RHOT1: variants seen among roughly 807,000 people sequenced by gnomAD.
RHOT1 encodes mitochondrial Rho GTPase 1.
Under a neutral mutation model 95.3 loss-of-function variants are expected in RHOT1, and 27 were observed. The ratio of observed to expected loss-of-function variants is 0.28; its 90% CI spans 0.21 to 0.39. The LOEUF (loss-of-function observed/expected upper bound fraction) is 0.39. RHOT1 is among the 10% of genes least tolerant of loss of function. The pLI, the probability that RHOT1 is intolerant of heterozygous loss-of-function variation, is 1.00. For missense variants in RHOT1, 578 were observed against 786.7 expected, an observed-to-expected ratio of 0.73 and a Z score of 3.17; for synonymous variants, 227 against 263.5, an observed-to-expected ratio of 0.86 and a Z score of 1.34.
chr17:32,191,657 T>C (rs757067203), intron 8 of RHOT1, among the ~76,000 whole-genome samples: 1 of 152,256 alleles, frequency 6.6e-6, no homozygotes, highest in Non-Finnish European at 1.5e-5. Flanking sequence ...TATAAATAAT[T>C]CTTATACTAG....
At chr17:32,200,932 A>T in intron 13 of RHOT1, 24 bp from the exon 14 acceptor site, 1 of 1,555,990 alleles carries the variant, frequency 6.4e-7, no homozygotes, top group East Asian at 2.2e-5. Flanking sequence ...AACTTTTCAC[A>T]TTTTAAACTC....
chr17:32,178,409 C>T (rs2035215949), intron 6 of RHOT1, among the ~76,000 whole-genome samples: 1 of 152,150 alleles, frequency 6.6e-6, no homozygotes, highest in Non-Finnish European at 1.5e-5. Context: ...CCGGGCTGGT[C>T]TCCAGCTCCT....
intron 18 of RHOT1, among the ~76,000 whole-genome samples, chr17:32,210,901 T>A (rs72827711): frequency 0.077 from 11,739 of 152,224 alleles, 618 homozygotes; most frequent in Non-Finnish European, 0.11. Context: ...TTCCCTAGAT[T>A]TTCTACAGGG....
At chr17:32,169,313 C>T (rs779051610) in intron 1 of RHOT1, among the ~76,000 whole-genome samples, 1 of 152,084 alleles carries the variant, frequency 6.6e-6, no homozygotes, top group Non-Finnish European at 1.5e-5. Context: ...GACTGTTTTC[C>T]TCTAGATTCA....
chr17:32,207,987 C>CT, intron 17 of RHOT1, 120 bp from the exon 18 acceptor site: 1 of 821,948 alleles, frequency 1.2e-6, no homozygotes, highest in East Asian at 2.7e-5. Flanking sequence ...TTTTGGTTCA[C>CT]TTTTTCGCTT....
chr17:32,183,133 C>T, intron 7 of RHOT1, 38 bp from the exon 8 acceptor site: 1 of 1,479,726 alleles, frequency 6.8e-7, no homozygotes, highest in East Asian at 2.3e-5. Context: ...TTTTAGCTCT[C>T]ATAATTGATT....
chr17:32,165,878 A>C (rs193162290), intron 1 of RHOT1, among the ~76,000 whole-genome samples: 132 of 152,194 alleles, frequency 8.7e-4, no homozygotes, highest in Non-Finnish European at 7.8e-4. Flanking sequence ...TTGTTTTCCC[A>C]GTGCATATAA....
At chr17:32,187,604 A>G (rs2036156364) in intron 8 of RHOT1, among the ~76,000 whole-genome samples, 1 of 152,092 alleles carries the variant, frequency 6.6e-6, no homozygotes, top group African/African-American at 2.4e-5. Flanking sequence ...TATTTATTTG[A>G]GATGGAGTCT....
At chr17:32,149,087 C>T (rs903395698) in intron 1 of RHOT1, among the ~76,000 whole-genome samples, 2 of 152,098 alleles carry the variant, frequency 1.3e-5, no homozygotes, top group Non-Finnish European at 2.9e-5. Flanking sequence ...TAGATTACTT[C>T]AATATTTCTC....
intron 16 of RHOT1, among the ~76,000 whole-genome samples, chr17:32,204,723 C>T (rs188137767): frequency 2.6e-5 from 4 of 152,034 alleles, no homozygotes; most frequent in African/African-American, 9.6e-5. Flanking sequence ...CATGGTGGCT[C>T]ACGCCTGTAA....
At chr17:32,157,100 G>A (rs2033042123) in intron 1 of RHOT1, among the ~76,000 whole-genome samples, 1 of 152,138 alleles carries the variant, frequency 6.6e-6, no homozygotes, top group African/African-American at 2.4e-5. Flanking sequence ...AAATATTTAT[G>A]TAAAAGGTAA....
intron 15 of RHOT1, among the ~76,000 whole-genome samples, chr17:32,203,659 C>T (rs1208604504): frequency 6.6e-6 from 1 of 152,136 alleles, no homozygotes; most frequent in Admixed American, 6.6e-5. Flanking sequence ...GGATAGTTTC[C>T]TTCCTTTTTA....
chr17:32,189,731 C>G (rs1015830718), intron 8 of RHOT1, among the ~76,000 whole-genome samples: 1 of 134,290 alleles, frequency 7.4e-6, no homozygotes, highest in Non-Finnish European at 1.6e-5. Context: ...CTTTTCTTTT[C>G]TTTTCTTTTT....
chr17:32,201,941 C>G (rs1392334955), intron 14 of RHOT1, among the ~76,000 whole-genome samples: 1 of 151,858 alleles, frequency 6.6e-6, no homozygotes, highest in African/African-American at 2.4e-5. Flanking sequence ...GAGATGGAGT[C>G]TCTCTCTATC....
intron 1 of RHOT1, among the ~76,000 whole-genome samples, chr17:32,154,727 T>G (rs1280660619): frequency 1.3e-5 from 2 of 149,298 alleles, no homozygotes; most frequent in African/African-American, 5.0e-5. Context: ...ACCATGTCTT[T>G]ACTAAAAATA....
intron 14 of RHOT1, among the ~76,000 whole-genome samples, 184 bp from the exon 15 acceptor site, chr17:32,202,586 C>T (rs960182134): frequency 1.3e-5 from 2 of 152,096 alleles, no homozygotes; most frequent in Non-Finnish European, 2.9e-5. Flanking sequence ...TAACTGGGGC[C>T]CTTCTGCATT....
chr17:32,202,863 G>A lies in RHOT1; in HGVS notation c.1295G>A (p.Ser432Asn), dbSNP rs1219986373. The change falls in exon 15 of 20, where the codon AGT (serine) becomes AAT (asparagine). Residue 432 changes from serine (S) to asparagine (N), a missense_variant. This residue lies in a region of RHOT1 where 296 missense variants were observed against 338.5 expected (regional missense o/e 0.87). Transcript: ENST00000545287. ...NVIGVKNCGK[S>N]GVLQALLGRN... Reference sequence around the variant, plus strand: ...ATTGGAGTGAAAAACTGTGGGAAAAGTGGAGTTCTTCAGGCTCTTCTTGGA... The same window carrying A: ...ATTGGAGTGAAAAACTGTGGGAAAAATGGAGTTCTTCAGGCTCTTCTTGGA... 45 of 1,613,352 alleles carry A rather than the reference G, an allele frequency of 2.8e-5. No individual in the cohort carries two copies. Among genetic ancestry groups the A allele is most frequent in the Non-Finnish European group, 3.6e-5 (43 of 1,179,786 alleles).
intron 8 of RHOT1, among the ~76,000 whole-genome samples, chr17:32,186,525 G>A (rs752976476): frequency 5.3e-5 from 8 of 151,888 alleles, no homozygotes; most frequent in African/African-American, 9.7e-5. Context: ...CACCACGCCC[G>A]GCTAATTTTT....
At position 32,164,154 on chromosome 17, in the gene RHOT1, T is replaced by TA. The variant is rs542725410; in HGVS notation, c.38-6883dup. 3.7e-4 allele frequency among the ~76,000 whole-genome samples: 56 copies of TA among 152,338 alleles called. 1 individual carries two copies. In the South Asian group the frequency reaches 0.012, roughly 32 times the overall value. On this transcript the variant is annotated intron_variant, in intron 1 of 19. Coordinates refer to ENST00000545287, the MANE Select transcript of RHOT1 (RefSeq NM_001033566.3). ...ATAGTGCCTGGCTTATAGAATTGCTTAAAAAATATTTATCAAAGGATGAAA... is the reference window on the plus strand; with the variant it reads ...ATAGTGCCTGGCTTATAGAATTGCTTAAAAAAATATTTATCAAAGGATGAAA...
Sources: allele counts gnomAD v4.1 joint callset (sites outside exome capture counted in the v4.1 genomes callset), GRCh38; gene constraint gnomAD v4.1.1; regional missense constraint gnomAD v4.1.1; transcripts MANE v1.5; gene names NCBI Gene and HGNC (gene_info 2026-07-23, HGNC 2026-07-21).